Variants in DERA observed in about 807,000 individuals in gnomAD.
The protein encoded by DERA is deoxyribose-phosphate aldolase.
In DERA, 15 loss-of-function variants were observed where a neutral mutation model predicts 41.1. The ratio of observed to expected loss-of-function variants is 0.37; its 90% CI spans 0.24 to 0.56. The LOEUF (loss-of-function observed/expected upper bound fraction) is 0.56, where lower values mean the gene tolerates loss of function less well. Among genes scored for constraint, DERA ranks in the 20% least tolerant of loss-of-function variants. The pLI is 0.81. For missense variants in DERA, 396 were observed against 403.4 expected (o/e 0.98, Z 0.16); for synonymous variants, 139 against 137.4 (o/e 1.01, Z -0.08).
rs1371321605 is a variant in DERA, at chr12:15,913,488, C to T, written c.31+2074C>T. 2.0e-5 allele frequency among the ~76,000 whole-genome samples: 3 copies of T among 152,140 alleles called. No homozygotes were observed. Among genetic ancestry groups the T allele is most frequent in the Admixed American group, 6.5e-5 (1 of 15,268 alleles). On this transcript the variant is annotated intron_variant, in intron 1 of 8. Transcript: ENST00000428559. The surrounding 1 kb of genome is among the most constrained non-coding windows in gnomAD (Gnocchi z 4.5). ...TCTAATTGAAAGTCTTTTTAATAAA[C>T]ATCGTAACTAATTTCTAAAATAAAT...
rs1020870003 is a variant in DERA, at chr12:15,940,745, G to A, written c.32-16191G>A. Among the ~76,000 whole-genome samples, 1 of 152,172 alleles carries A rather than the reference G, an allele frequency of 6.6e-6. No homozygotes were observed. The highest frequency in any genetic ancestry group is 6.5e-5 in the Admixed American group (1 of 15,278). On this transcript the variant is annotated intron_variant, in intron 1 of 8. Transcript: ENST00000428559. This position sits in a 1 kb window ranked among gnomAD's most constrained non-coding sequence, Gnocchi z 5.1. ...ATTTAAATGGAAGTCATGCTTCAGAGTTTTCTGGTAACTGTATCTTCTGAA... is the reference window on the plus strand; with the variant it reads ...ATTTAAATGGAAGTCATGCTTCAGAATTTTCTGGTAACTGTATCTTCTGAA...
Position 15,960,636 on chromosome 12 carries a change from C to CAAAAAAAAAA in DERA, c.373+730_373+739dup, listed in dbSNP as rs1163104277. Among the ~76,000 whole-genome samples the CAAAAAAAAAA allele has an allele frequency of 2.4e-4, 7 of 28,712 alleles. 1 individual carries two copies. Among genetic ancestry groups the CAAAAAAAAAA allele is most frequent in the Admixed American group, 1.2e-3 (2 of 1,670 alleles). 18.8% of individuals were successfully genotyped at this position (28,712 alleles called of 152,430 possible). A position where few individuals can be genotyped will look rare whatever the true frequency, so the allele number is the denominator to read the frequency against. On this transcript the variant is annotated intron_variant, in intron 4 of 8. Transcript: ENST00000428559. ...TGGGTGATAGACCAAGACTCCGTCT[C>CAAAAAAAAAA]AAAAAAAAAAAAAAAAAAAAAAAAA...
At chr12:16,006,226 A>G (rs929419446) in intron 6 of DERA, among the ~76,000 whole-genome samples, 7 of 152,318 alleles carry the variant, frequency 4.6e-5, no homozygotes, top group East Asian at 1.9e-4. Flanking sequence ...CTTGCTCCCA[A>G]TGAAAAGAAG....
chr12:15,977,020 T>G (rs1013851811), intron 5 of DERA, among the ~76,000 whole-genome samples: 1 of 152,204 alleles, frequency 6.6e-6, no homozygotes, highest in Non-Finnish European at 1.5e-5. Context: ...CTGAATTACC[T>G]TGGAACAAAG....
rs140629921 is a variant in DERA at position 15,952,635 on chromosome 12, C to A, written c.32-4301C>A. 3.9e-4 allele frequency among the ~76,000 whole-genome samples: 59 copies of A among 152,294 alleles called. 1 individual carries two copies. In the East Asian group the frequency reaches 0.011, roughly 29 times the overall value. On this transcript the variant is annotated intron_variant, in intron 1 of 8. Transcript: ENST00000428559. ...TTTCATTGTGAAATCAATGTTAAAACGTAATTAGATATTTTACACCCTTCT... is the reference window on the plus strand; with the variant it reads ...TTTCATTGTGAAATCAATGTTAAAAAGTAATTAGATATTTTACACCCTTCT...
rs568266108 is a variant in DERA, at chr12:16,000,175, A to G, written c.637+17739A>G. On this transcript the variant is annotated intron_variant, in intron 6 of 8. Coordinates refer to ENST00000428559, the MANE Select transcript of DERA (RefSeq NM_015954.4). The surrounding 1 kb of genome is among the most constrained non-coding windows in gnomAD (Gnocchi z 4.8). ...CAGGATAGGGAATTTAAGAGGACGA[A>G]GTCTTTTTCCCAGCCCAGGAACCAG... 1.3e-5 allele frequency among the ~76,000 whole-genome samples: 2 copies of G among 152,270 alleles called. No homozygotes were observed. The highest frequency in any genetic ancestry group is 2.9e-5 in the Non-Finnish European group (2 of 68,018).
chr12:15,975,290 A>G lies in DERA; in HGVS notation c.509-7018A>G, dbSNP rs958021219. On this transcript the variant is annotated intron_variant, in intron 5 of 8. Transcript: ENST00000428559. ...TTGGCTAGGAGATGGAATCCTAGGG[A>G]ATTATTTGAACCTGTCCTCTTGTGC... is the stretch of plus-strand genomic sequence containing the variant. Among the ~76,000 whole-genome samples the G allele has an allele frequency of 5.5e-5, 5 of 90,478 alleles. No individual in the cohort carries two copies. In the Admixed American group the frequency reaches 5.9e-4, roughly 11 times the overall value. The allele number at this position is 90,478 out of a possible 152,430, so 59.4% of individuals were successfully genotyped here.
At chr12:15,919,356 C>T (rs894832873) in intron 1 of DERA, among the ~76,000 whole-genome samples, 1 of 151,800 alleles carries the variant, frequency 6.6e-6, no homozygotes, top group African/African-American at 2.4e-5. Flanking sequence ...ATGCTTCTGC[C>T]AGGAAAGAAA....
At chr12:15,917,980 C>T (rs1948213211) in intron 1 of DERA, among the ~76,000 whole-genome samples, 1 of 152,186 alleles carries the variant, frequency 6.6e-6, no homozygotes, top group Non-Finnish European at 1.5e-5. Context: ...CTTCTAGATT[C>T]ATCTACCTAT....
intron 1 of DERA, among the ~76,000 whole-genome samples, chr12:15,925,822 CTT>C (rs35956433): frequency 2.2e-3 from 205 of 95,254 alleles, no homozygotes; most frequent in African/African-American, 8.5e-3. Context: ...ACTCCTGAGG[CTT>C]TTTTTTTTTT....
chr12:15,934,345 G>T (rs1948350333), intron 1 of DERA, among the ~76,000 whole-genome samples: 1 of 152,136 alleles, frequency 6.6e-6, no homozygotes, highest in Admixed American at 6.5e-5. Context: ...CCAGCACTTT[G>T]GGAGGCCGAG....
chr12:16,035,357 T>G lies in DERA; in HGVS notation c.751-875T>G, dbSNP rs939512940. ...AGTCATAGCCCTGAGTGATAAAACG[T>G]GAGAGATTTAGTACTCAGGCTCTGA... On this transcript the variant is annotated intron_variant, in intron 7 of 8. Transcript: ENST00000428559. The surrounding 1 kb of genome is among the most constrained non-coding windows in gnomAD (Gnocchi z 4.1). Among the ~76,000 whole-genome samples the G allele has an allele frequency of 1.4e-4, 22 of 152,136 alleles. No homozygotes were observed. The highest frequency in any genetic ancestry group is 2.6e-4 in the Admixed American group (4 of 15,262).
intron 1 of DERA, among the ~76,000 whole-genome samples, chr12:15,946,838 T>C (rs1296715256): frequency 6.6e-6 from 1 of 152,210 alleles, no homozygotes; most frequent in Non-Finnish European, 1.5e-5. Flanking sequence ...TTTTAGATCT[T>C]TCCTGCTTTT....
chr12:15,954,395 A>G lies in DERA; in HGVS notation c.32-2541A>G, dbSNP rs1405530293. Reference sequence around the variant, plus strand: ...AGGGGATGTACTAAAGGTGGAATGCAGAGTTTCATGGAAGCACGAAGAAGC... The same window carrying G: ...AGGGGATGTACTAAAGGTGGAATGCGGAGTTTCATGGAAGCACGAAGAAGC... On this transcript the variant is annotated intron_variant, in intron 1 of 8. Coordinates refer to ENST00000428559, the MANE Select transcript of DERA (RefSeq NM_015954.4). The surrounding 1 kb of genome is among the most constrained non-coding windows in gnomAD (Gnocchi z 4.0). Among the ~76,000 whole-genome samples, 1 of 152,218 alleles carries G rather than the reference A, an allele frequency of 6.6e-6. No individual in the cohort carries two copies. The highest frequency in any genetic ancestry group is 1.5e-5 in the Non-Finnish European group (1 of 68,028).
At position 15,921,476 on chromosome 12, in the gene DERA, G is replaced by A. The variant is rs1360241646; in HGVS notation, c.31+10062G>A. On this transcript the variant is annotated intron_variant, in intron 1 of 8. Transcript: ENST00000428559. The surrounding 1 kb of genome is among the most constrained non-coding windows in gnomAD (Gnocchi z 5.3). ...ATATTCATGTTTCCTTGAGATTATG[G>A]ATTAAGTTTGTATTTTGGACTCAGG... Among the ~76,000 whole-genome samples the A allele has an allele frequency of 2.0e-5, 3 of 152,108 alleles. No individual in the cohort carries two copies. The highest frequency in any genetic ancestry group is 4.4e-5 in the Non-Finnish European group (3 of 68,026).
rs1948248181 is a variant in DERA at position 15,922,036 on chromosome 12, G to A, written c.31+10622G>A. ...TTTTTTAACTTTTGACTTCTTAGGA[G>A]GCAATCATTATTATAATCTCAAAGT... On this transcript the variant is annotated intron_variant, in intron 1 of 8. Transcript: ENST00000428559. The surrounding 1 kb of genome is among the most constrained non-coding windows in gnomAD (Gnocchi z 4.9). 6.6e-6 allele frequency among the ~76,000 whole-genome samples: 1 copy of A among 152,124 alleles called. No homozygotes were observed. Among genetic ancestry groups the A allele is most frequent in the African/African-American group, 2.4e-5 (1 of 41,424 alleles).
chr12:15,923,380 C>T (rs1948260042), intron 1 of DERA, among the ~76,000 whole-genome samples: 1 of 152,188 alleles, frequency 6.6e-6, no homozygotes, highest in Admixed American at 6.5e-5. Context: ...TTCTGAACTT[C>T]ATTGAGTCTT....
chr12:15,936,033 G>A lies in DERA; in HGVS notation c.32-20903G>A, dbSNP rs1226782690. Among the ~76,000 whole-genome samples the A allele has an allele frequency of 1.3e-5, 2 of 152,210 alleles. No individual in the cohort carries two copies. Among genetic ancestry groups the A allele is most frequent in the Admixed American group, 6.5e-5 (1 of 15,278 alleles). ...TGAACACCCTCTTAGGGTTGCTTGA[G>A]TATCCTTATGACATGGCAGCTGGCT... On this transcript the variant is annotated intron_variant, in intron 1 of 8. Coordinates refer to ENST00000428559, the MANE Select transcript of DERA (RefSeq NM_015954.4). This position sits in a 1 kb window ranked among gnomAD's most constrained non-coding sequence, Gnocchi z 4.6.
chr12:15,956,531 G>A (rs1948540273), intron 1 of DERA: 1 of 353,732 alleles, frequency 2.8e-6, no homozygotes, highest in African/African-American at 2.1e-5. Context: ...GTTCACTTAA[G>A]ATTTGTTAAT....
Sources: allele counts gnomAD v4.1 joint callset (sites outside exome capture counted in the v4.1 genomes callset), GRCh38; gene constraint gnomAD v4.1.1; non-coding constraint Gnocchi (gnomAD v3.1); transcripts MANE v1.5; gene names NCBI Gene and HGNC (gene_info 2026-07-23, HGNC 2026-07-21).